The following ZNF385D variants were observed in gnomAD, a reference collection of about 807,000 sequenced individuals.
ZNF385D encodes the protein zinc finger protein 659.
Under a neutral mutation model 35.8 loss-of-function variants are expected in ZNF385D, and 15 were observed. That is an observed-to-expected ratio of 0.42 (90% CI 0.28 to 0.64). The LOEUF is 0.64. Ranked by LOEUF, ZNF385D falls within the 30% of genes least tolerant of loss-of-function variation. The pLI is 0.23. For missense variants in ZNF385D, 474 were observed against 494.6 expected (o/e 0.96, Z 0.39); for synonymous variants, 212 against 186.8 (o/e 1.13, Z -1.10).
intron 1 of ZNF385D, among the ~76,000 whole-genome samples, chr3:21,742,997 G>C (rs997839070): frequency 5.3e-5 from 8 of 152,174 alleles, no homozygotes; most frequent in Non-Finnish European, 1.2e-4. Context: ...ACTTTTATGT[G>C]TATAGCATAT....
chr3:22,346,365 T>C (rs1695660152), intron 2 of ZNF385D, among the ~76,000 whole-genome samples: 1 of 152,242 alleles, frequency 6.6e-6, no homozygotes. Flanking sequence ...AGCACTGTAC[T>C]GGGATATCTT....
chr3:21,663,410 C>T (rs909087708), intron 2 of ZNF385D, among the ~76,000 whole-genome samples: 11 of 152,136 alleles, frequency 7.2e-5, no homozygotes, highest in African/African-American at 2.4e-4. Flanking sequence ...GACATGGGAC[C>T]GCAGTGATGG....
chr3:21,807,140 A>T (rs186571082), intron 3 of ZNF385D, among the ~76,000 whole-genome samples: 1 of 152,242 alleles, frequency 6.6e-6, no homozygotes, highest in Non-Finnish European at 1.5e-5. Flanking sequence ...ATCTTCTAAA[A>T]GTTGAAATTA....
chr3:21,957,727 A>G (rs1448143573), intron 3 of ZNF385D, among the ~76,000 whole-genome samples: 1 of 152,044 alleles, frequency 6.6e-6, no homozygotes, highest in African/African-American at 2.4e-5. Flanking sequence ...ATTTTCTCCT[A>G]CATGGATTTT....
intron 2 of ZNF385D, among the ~76,000 whole-genome samples, chr3:22,327,687 T>C (rs761241246): frequency 3.0e-4 from 46 of 152,172 alleles, no homozygotes; most frequent in Non-Finnish European, 1.2e-4. Flanking sequence ...CAGTGGAAGA[T>C]TGCATGCTGC....
chr3:21,753,273 G>A (rs1575591897), upstream of ZNF385D, among the ~76,000 whole-genome samples: 1 of 152,282 alleles, frequency 6.6e-6, no homozygotes, highest in South Asian at 2.1e-4. Flanking sequence ...CTATTTGTTT[G>A]TTGAATTTAT....
At chr3:21,688,035 C>T (rs767407255) in intron 1 of ZNF385D, among the ~76,000 whole-genome samples, 7 of 151,994 alleles carry the variant, frequency 4.6e-5, no homozygotes, top group African/African-American at 4.8e-5. Flanking sequence ...GTTGGGATTA[C>T]GGGCATGGCC....
intron 2 of ZNF385D, among the ~76,000 whole-genome samples, chr3:22,170,474 A>G (rs1001884089): frequency 6.6e-6 from 1 of 152,192 alleles, no homozygotes; most frequent in African/African-American, 2.4e-5. Flanking sequence ...TCACTATCCA[A>G]ATTCCAAAAT....
rs972157768 is a variant in ZNF385D at position 21,420,289 on chromosome 3, C to A, written c.*925G>T. 1 of 152,164 alleles carries A rather than the reference C, an allele frequency of 6.6e-6. No individual in the cohort carries two copies. The highest frequency in any genetic ancestry group is 2.4e-5 in the African/African-American group (1 of 41,436). The allele number at this position is 152,164 out of a possible 1,614,324, so 9.4% of individuals were successfully genotyped here. ...ATGAAAGATCTTTACTTTGCATTAT[C>A]ATTCTAGGTTATGATTCTTCATCCT... On this transcript the variant is annotated 3_prime_UTR_variant, in exon 8 of 8. Transcript: ENST00000281523.
chr3:22,036,215 C>A (rs1051095068), intron 3 of ZNF385D, among the ~76,000 whole-genome samples: 1 of 152,260 alleles, frequency 6.6e-6, no homozygotes, highest in African/African-American at 2.4e-5. Context: ...GGTGAAGGTA[C>A]TCAATTCTTC....
chr3:21,464,236 TGTAAA>T (rs2125321628), intron 4 of ZNF385D, among the ~76,000 whole-genome samples: 1 of 152,308 alleles, frequency 6.6e-6, no homozygotes, highest in South Asian at 2.1e-4. Flanking sequence ...GGAGGTTTAA[TGTAAA>T]GTAATACATA....
intron 2 of ZNF385D, among the ~76,000 whole-genome samples, chr3:22,245,092 A>T (rs1699702468): frequency 6.6e-6 from 1 of 152,184 alleles, no homozygotes; most frequent in Non-Finnish European, 1.5e-5. Flanking sequence ...ATGGCAGACT[A>T]GAAATACCAT....
At chr3:21,516,863 G>T (rs1361803451) in intron 3 of ZNF385D, among the ~76,000 whole-genome samples, 3 of 151,986 alleles carry the variant, frequency 2.0e-5, no homozygotes, top group Non-Finnish European at 4.4e-5. Context: ...ATATTAAAAT[G>T]TAACACCAGA....
intron 2 of ZNF385D, among the ~76,000 whole-genome samples, chr3:22,203,839 A>G (rs1386543581): frequency 6.6e-6 from 1 of 152,094 alleles, no homozygotes; most frequent in Non-Finnish European, 1.5e-5. Context: ...CATCAGGTAG[A>G]TTTCTGAGAT....
intron 3 of ZNF385D, among the ~76,000 whole-genome samples, chr3:22,071,945 T>C (rs1388827016): frequency 6.6e-6 from 1 of 152,088 alleles, no homozygotes; most frequent in Non-Finnish European, 1.5e-5. Context: ...GTCTGGTAAC[T>C]CATTCTATTT....
chr3:21,913,882 G>T (rs148722074), intron 3 of ZNF385D, among the ~76,000 whole-genome samples: 13 of 152,118 alleles, frequency 8.5e-5, no homozygotes, highest in South Asian at 2.1e-4. Flanking sequence ...TTAAAATTAG[G>T]CAAGGATTTG....
At chr3:21,819,529 AAAT>A (rs1257887978) in intron 3 of ZNF385D, among the ~76,000 whole-genome samples, 1 of 150,526 alleles carries the variant, frequency 6.6e-6, no homozygotes, top group Non-Finnish European at 1.5e-5. Flanking sequence ...AAAATGTTCT[AAAT>A]AATAATAGTC....
intron 1 of ZNF385D, among the ~76,000 whole-genome samples, chr3:21,719,839 T>C (rs1479798509): frequency 4.9e-4 from 74 of 152,244 alleles, no homozygotes; most frequent in Non-Finnish European, 8.8e-5. Context: ...TGTGTGTTTC[T>C]TGTTTAAATT....
intron 2 of ZNF385D, among the ~76,000 whole-genome samples, chr3:22,328,243 AAT>A (rs1213270554): frequency 1.3e-5 from 2 of 151,844 alleles, no homozygotes; most frequent in Non-Finnish European, 2.9e-5. Context: ...CTGCTGCATT[AAT>A]ATATTTTTCT....
Sources: gnomAD v4.1 joint callset for allele counts (sites outside exome capture counted in the v4.1 genomes callset) on GRCh38, gnomAD v4.1.1 for gene constraint, MANE v1.5 for transcripts, NCBI Gene and HGNC (gene_info 2026-07-23, HGNC 2026-07-21) for gene names.